Variants in PLPPR1 observed in about 807,000 individuals in gnomAD.
PLPPR1 encodes phospholipid phosphatase-related protein type 1.
PLPPR1 carries 10 observed loss-of-function variants against 33.1 expected under a neutral mutation model. The observed-to-expected ratio is 0.30, with a 90% CI of 0.19 to 0.51. PLPPR1 has a LOEUF of 0.51. Ranked by LOEUF, PLPPR1 falls within the 20% of genes least tolerant of loss-of-function variation. The pLI is 0.97. For synonymous variants in PLPPR1, 151 were observed against 151.0 expected (o/e 1.00, Z 0.00); for missense variants, 304 against 408.1 (o/e 0.74, Z 2.20).
chr9:101,160,345 G>A (rs117364396), intron 1 of PLPPR1, among the ~76,000 whole-genome samples: 2,946 of 152,248 alleles, frequency 0.019, 36 homozygotes, highest in South Asian at 0.041. Flanking sequence ...AAGGGTTGTT[G>A]TGGAGACCAC....
chr9:101,084,895 G>A (rs1335285692), intron 1 of PLPPR1, among the ~76,000 whole-genome samples: 1 of 152,200 alleles, frequency 6.6e-6, no homozygotes, highest in Non-Finnish European at 1.5e-5. Flanking sequence ...ACCTAAAGGT[G>A]TTCCAATTAA....
At chr9:101,108,229 AT>A (rs1831003310) in intron 1 of PLPPR1, among the ~76,000 whole-genome samples, 1 of 152,218 alleles carries the variant, frequency 6.6e-6, no homozygotes, top group African/African-American at 2.4e-5. Context: ...GGAAATAATA[AT>A]AATAATAATC....
At chr9:101,215,627 C>T (rs1826778366) in intron 2 of PLPPR1, among the ~76,000 whole-genome samples, 1 of 152,116 alleles carries the variant, frequency 6.6e-6, no homozygotes, top group Non-Finnish European at 1.5e-5. Context: ...CTCACTTTAT[C>T]TTCTCCTCCC....
At chr9:101,236,646 C>A (rs1028373642) in intron 2 of PLPPR1, among the ~76,000 whole-genome samples, 13 of 151,166 alleles carry the variant, frequency 8.6e-5, no homozygotes, top group Admixed American at 1.3e-4. Flanking sequence ...CTGTACATAT[C>A]TATGGGTTAT....
intron 4 of PLPPR1, among the ~76,000 whole-genome samples, chr9:101,294,241 G>A (rs7023198): frequency 0.048 from 7,259 of 151,698 alleles, 505 homozygotes; most frequent in African/African-American, 0.16. Context: ...ACCCTCCCAA[G>A]ACTAAACCAG....
intron 2 of PLPPR1, among the ~76,000 whole-genome samples, chr9:101,208,636 C>A (rs1330003620): frequency 6.6e-6 from 1 of 152,134 alleles, no homozygotes; most frequent in Non-Finnish European, 1.5e-5. Context: ...AATATAATAT[C>A]CTTGGGGTAG....
At chr9:101,277,975 C>G (rs993485412) in intron 3 of PLPPR1, among the ~76,000 whole-genome samples, 3 of 152,034 alleles carry the variant, frequency 2.0e-5, no homozygotes, top group Admixed American at 2.0e-4. Context: ...CATTAGTTAC[C>G]CAAAATCACA....
chr9:101,217,247 T>TA (rs879907087), intron 2 of PLPPR1, among the ~76,000 whole-genome samples: 24 of 151,456 alleles, frequency 1.6e-4, no homozygotes, highest in Admixed American at 9.2e-4. Context: ...CTGCCCTGCT[T>TA]AAAAAAAAAT....
intron 1 of PLPPR1, among the ~76,000 whole-genome samples, chr9:101,183,156 A>C (rs952452282): frequency 4.0e-5 from 6 of 151,732 alleles, no homozygotes; most frequent in African/African-American, 1.4e-4. Context: ...TATCCATGAG[A>C]AATGAAAATA....
intron 1 of PLPPR1, among the ~76,000 whole-genome samples, chr9:101,167,147 T>C (rs1473058801): frequency 1.6e-5 from 1 of 63,234 alleles, no homozygotes; most frequent in East Asian, 3.9e-4. Context: ...TCTCGGTGTG[T>C]GTGTGTGTGT....
chr9:101,296,195 A>G (rs1828634036), intron 4 of PLPPR1, among the ~76,000 whole-genome samples: 1 of 151,996 alleles, frequency 6.6e-6, no homozygotes, highest in South Asian at 2.1e-4. Flanking sequence ...AACACATGAA[A>G]AAATGCTCAC....
chr9:101,084,829 A>G (rs1220164112), intron 1 of PLPPR1, among the ~76,000 whole-genome samples: 1 of 152,214 alleles, frequency 6.6e-6, no homozygotes, highest in Non-Finnish European at 1.5e-5. Flanking sequence ...GCTGTGTGAC[A>G]TCGATGAATA....
chr9:101,051,409 T>C (rs1337831074), intron 1 of PLPPR1, among the ~76,000 whole-genome samples: 1 of 152,124 alleles, frequency 6.6e-6, no homozygotes, highest in Non-Finnish European at 1.5e-5. Flanking sequence ...TGGCACTCAA[T>C]ATCCTCCAAT....
At chr9:101,238,430 C>T (rs1006627791) in intron 2 of PLPPR1, among the ~76,000 whole-genome samples, 1 of 147,744 alleles carries the variant, frequency 6.8e-6, no homozygotes, top group Admixed American at 6.8e-5. Context: ...TATATGCACA[C>T]AATGGAATAC....
chr9:101,277,040 T>G (rs1828209681), intron 3 of PLPPR1, among the ~76,000 whole-genome samples: 1 of 152,162 alleles, frequency 6.6e-6, no homozygotes, highest in South Asian at 2.1e-4. Flanking sequence ...TCAGGAAAGA[T>G]TAAAGTGGAG....
chr9:101,090,907 C>G (rs1372052632), intron 1 of PLPPR1, among the ~76,000 whole-genome samples: 1 of 151,900 alleles, frequency 6.6e-6, no homozygotes, highest in African/African-American at 2.4e-5. Flanking sequence ...CTAAATTCCA[C>G]TGTTCTTCAT....
At chr9:101,322,415 T>C (rs1488706865) in intron 7 of PLPPR1, 1 of 152,012 alleles carries the variant, frequency 6.6e-6, no homozygotes, top group South Asian at 2.1e-4. Flanking sequence ...AATGCTTCCA[T>C]TTGATGAACC....
intron 1 of PLPPR1, among the ~76,000 whole-genome samples, chr9:101,133,111 T>A (rs1287481073): frequency 1.3e-5 from 2 of 152,148 alleles, no homozygotes. Context: ...AATAAAATGA[T>A]TTTTTTCTTT....
intron 1 of PLPPR1, among the ~76,000 whole-genome samples, chr9:101,117,746 C>T (rs987973905): frequency 1.3e-5 from 2 of 152,050 alleles, no homozygotes; most frequent in Middle Eastern, 3.2e-3. Flanking sequence ...GTCTTAGTGT[C>T]CTTCTCTTTA....
Sources: allele counts gnomAD v4.1 joint callset (sites outside exome capture counted in the v4.1 genomes callset), GRCh38; gene constraint gnomAD v4.1.1; transcripts MANE v1.5; gene names NCBI Gene and HGNC (gene_info 2026-07-23, HGNC 2026-07-21).